The following RHEB variants were observed in gnomAD, a reference collection of about 807,000 sequenced individuals.
The protein encoded by RHEB is GTP-binding protein Rheb.
A neutral mutation model predicts 28.8 loss-of-function variants in RHEB; 2 were observed. That is an observed-to-expected ratio of 0.07 (90% CI 0.03 to 0.22). The LOEUF (loss-of-function observed/expected upper bound fraction) is 0.22. RHEB is among the 10% of genes least tolerant of loss of function. RHEB has a pLI of 1.00. For missense variants in RHEB, 76 were observed against 219.9 expected (o/e 0.35, Z 4.14); for synonymous variants, 69 against 77.3 (o/e 0.89, Z 0.56).
chr7:151,497,463 C>T (rs943591036), intron 1 of RHEB, among the ~76,000 whole-genome samples: 1 of 152,180 alleles, frequency 6.6e-6, no homozygotes, highest in African/African-American at 2.4e-5. Flanking sequence ...TATCACCTAT[C>T]GCCTCCAGAG....
rs1432990578 is a variant in RHEB, at chr7:151,472,451, G to A, written c.276-846C>T. Among the ~76,000 whole-genome samples the A allele has an allele frequency of 6.6e-6, 1 of 152,144 alleles. No homozygotes were observed. Among genetic ancestry groups the A allele is most frequent in the Non-Finnish European group, 1.5e-5 (1 of 68,028 alleles). ...GTGGCCATCTTTACTCGGCCCCAGT[G>A]ACTCTCAAGCCGCAAACTTCTGACC... is the stretch of plus-strand genomic sequence containing the variant. On this transcript the variant is annotated intron_variant, in intron 4 of 7. Transcript: ENST00000262187. The surrounding 1 kb of genome is among the most constrained non-coding windows in gnomAD (Gnocchi z 5.2).
chr7:151,498,078 A>C, intron 1 of RHEB: 2 of 1,281,582 alleles, frequency 1.6e-6, no homozygotes, highest in Non-Finnish European at 2.0e-6. Context: ...TTACAGCTCC[A>C]TTTTACTCAC....
rs542587232 is a variant in RHEB, at chr7:151,507,276, G to A, written c.52+12184C>T. Among the ~76,000 whole-genome samples the A allele has an allele frequency of 9.2e-5, 14 of 152,288 alleles. No individual in the cohort carries two copies. The East Asian group carries it at 2.3e-3, about 25-fold the overall frequency. On this transcript the variant is annotated intron_variant, in intron 1 of 7. Transcript: ENST00000262187. ...AATGCCAATCATATGCTTAACAATC[G>A]TATGCACCCACTCTAGTAAGAAATG...
In RHEB at chr7:151,466,631, G is replaced by A. The variant is rs1802068695; in HGVS notation, c.*488C>T. Reference sequence around the variant, plus strand: ...TCACTGGTTTCTGGAATCCAACCTGGGGCCTTCCTGAAGCCAAGTGAGAAA... The same window carrying A: ...TCACTGGTTTCTGGAATCCAACCTGAGGCCTTCCTGAAGCCAAGTGAGAAA... On this transcript the variant is annotated 3_prime_UTR_variant, in exon 8 of 8. Coordinates refer to ENST00000262187, the MANE Select transcript of RHEB (RefSeq NM_005614.4). The A allele has an allele frequency of 6.4e-6, 1 of 155,842 alleles. No individual in the cohort carries two copies. The highest frequency in any genetic ancestry group is 1.4e-5 in the Non-Finnish European group (1 of 70,664). 9.7% of individuals were successfully genotyped at this position (155,842 alleles called of 1,614,324 possible).
At position 151,468,644 on chromosome 7, in the gene RHEB, A is replaced by G. The variant is rs1802108286; in HGVS notation, c.463-1433T>C. ...CACTTCACTGGAAAACAGAAGCCAC[A>G]TTCATGAAAGAACTCCACATCCTCC... On this transcript the variant is annotated intron_variant, in intron 7 of 7. Transcript: ENST00000262187. The surrounding 1 kb of genome is among the most constrained non-coding windows in gnomAD (Gnocchi z 4.3). 2.0e-5 allele frequency among the ~76,000 whole-genome samples: 3 copies of G among 152,248 alleles called. 1 individual carries two copies. In the South Asian group the frequency reaches 6.2e-4, roughly 31 times the overall value.
chr7:151,504,205 C>T (rs1802826302), intron 1 of RHEB, among the ~76,000 whole-genome samples: 1 of 152,184 alleles, frequency 6.6e-6, no homozygotes, highest in Admixed American at 6.5e-5. Context: ...TATCAACGTT[C>T]TGACAAGTGT....
intron 1 of RHEB, among the ~76,000 whole-genome samples, chr7:151,515,087 A>G (rs1803054347): frequency 6.6e-6 from 1 of 151,940 alleles, no homozygotes; most frequent in Non-Finnish European, 1.5e-5. Flanking sequence ...AAAGAAAGAA[A>G]AGAAACCACC....
At chr7:151,477,255 A>C (rs1584849864) in intron 4 of RHEB, 78 bp downstream of exon 4, 3 of 844,624 alleles carry the variant, frequency 3.6e-6, no homozygotes. Context: ...ACTATTAATA[A>C]TTCCAGCACA....
chr7:151,478,877 C>A (rs1003444674), intron 3 of RHEB, among the ~76,000 whole-genome samples: 1 of 152,054 alleles, frequency 6.6e-6, no homozygotes. Context: ...TCAGGTGATC[C>A]GCTTGCCTTG....
intron 1 of RHEB, chr7:151,498,194 G>T: frequency 3.1e-6 from 4 of 1,276,484 alleles, no homozygotes; most frequent in Non-Finnish European, 4.1e-6. Flanking sequence ...CAAGGAAAAG[G>T]TCAGGTAAAT....
At chr7:151,474,857 C>G (rs1438333210) in intron 4 of RHEB, among the ~76,000 whole-genome samples, 1 of 152,122 alleles carries the variant, frequency 6.6e-6, no homozygotes, top group African/African-American at 2.4e-5. Flanking sequence ...CTGGTTGATT[C>G]AGAAAGTTTT....
At chr7:151,503,121 T>C (rs1282317638) in intron 1 of RHEB, 3 of 810,774 alleles carry the variant, frequency 3.7e-6, no homozygotes, top group Admixed American at 1.7e-5. Context: ...ATTCTAATGG[T>C]CTATGAAAAT....
chr7:151,475,271 A>G (rs1031712332), intron 4 of RHEB, among the ~76,000 whole-genome samples: 1 of 152,194 alleles, frequency 6.6e-6, no homozygotes, highest in Non-Finnish European at 1.5e-5. Context: ...CAAAAAAGAG[A>G]CTTAAAAAAA....
At chr7:151,494,078 A>G (rs982755597) in intron 1 of RHEB, among the ~76,000 whole-genome samples, 1 of 152,174 alleles carries the variant, frequency 6.6e-6, no homozygotes, top group Non-Finnish European at 1.5e-5. Context: ...TTTGCTTACA[A>G]ATGGAAAGAA....
intron 4 of RHEB, among the ~76,000 whole-genome samples, chr7:151,475,495 A>G (rs567844295): frequency 6.6e-5 from 10 of 152,374 alleles, no homozygotes; most frequent in Non-Finnish European, 1.3e-4. Context: ...TCATTAGATT[A>G]TTGGTACACT....
Position 151,471,602 on chromosome 7 carries a change from A to G in RHEB, c.279T>C (p.Phe93=), listed in dbSNP as rs1802162279. Residue 93 remains phenylalanine (F), a synonymous_variant, in exon 5 of 8, where the codon TTT becomes TTC. Coordinates refer to ENST00000262187, the MANE Select transcript of RHEB (RefSeq NM_005614.4). ...TGCCATGGATAACTTTAATCACTTC[A>G]AAACTATAAAACAAAAAGTATAAAT... ...LVYSVTSIKS[F]EVIKVIHGKL... is the part of the protein sequence containing the mutation. 1.9e-6 allele frequency: 3 copies of G among 1,583,698 alleles called. No individual in the cohort carries two copies. In the South Asian group the frequency reaches 3.4e-5, roughly 18 times the overall value.
intron 1 of RHEB, among the ~76,000 whole-genome samples, chr7:151,500,559 AAG>A (rs1050728702): frequency 4.6e-5 from 7 of 152,286 alleles, no homozygotes; most frequent in African/African-American, 1.7e-4. Flanking sequence ...GAAAAAATAA[AAG>A]AGAGGCTGCG....
At chr7:151,477,676 AGGAT>A (rs1353723596) in intron 3 of RHEB, among the ~76,000 whole-genome samples, 2 of 152,236 alleles carry the variant, frequency 1.3e-5, no homozygotes, top group Non-Finnish European at 2.9e-5. Flanking sequence ...CTGGGAGAAG[AGGAT>A]GGATGGAACA....
intron 1 of RHEB, among the ~76,000 whole-genome samples, chr7:151,495,194 C>G (rs1425647921): frequency 6.6e-6 from 1 of 152,162 alleles, no homozygotes; most frequent in East Asian, 1.9e-4. Context: ...ATCTCACACT[C>G]CAGATCAACT....
Sources: allele counts gnomAD v4.1 joint callset (sites outside exome capture counted in the v4.1 genomes callset), GRCh38; gene constraint gnomAD v4.1.1; non-coding constraint Gnocchi (gnomAD v3.1); transcripts MANE v1.5; gene names NCBI Gene and HGNC (gene_info 2026-07-23, HGNC 2026-07-21).